Variants in NEO1 observed in about 807,000 individuals in gnomAD.
NEO1 encodes neogenin 1.
Under a neutral mutation model 159.7 loss-of-function variants are expected in NEO1, and 63 were observed. That is an observed-to-expected ratio of 0.39 (90% CI 0.32 to 0.49). The LOEUF (loss-of-function observed/expected upper bound fraction) is 0.49, where lower values mean the gene tolerates loss of function less well. Ranked by LOEUF, NEO1 falls within the 20% of genes least tolerant of loss-of-function variation. NEO1 has a pLI of 0.85. For synonymous variants in NEO1, 633 were observed against 662.0 expected (o/e 0.96, Z 0.67); for missense variants, 1,615 against 1,831.0 (o/e 0.88, Z 2.15).
intron 7 of NEO1, among the ~76,000 whole-genome samples, chr15:73,186,161 T>A (rs1596294169): frequency 6.6e-6 from 1 of 150,742 alleles, no homozygotes; most frequent in East Asian, 1.9e-4. Context: ...TGCAGCAGAC[T>A]TTTTGCCAGA....
At chr15:73,264,392 A>G (rs2040786717) in intron 15 of NEO1, among the ~76,000 whole-genome samples, 1 of 152,238 alleles carries the variant, frequency 6.6e-6, no homozygotes, top group South Asian at 2.1e-4. Context: ...ACGCTATAGC[A>G]AGACACAGTA....
intron 1 of NEO1, among the ~76,000 whole-genome samples, chr15:73,114,860 A>G (rs1456805575): frequency 1.3e-5 from 2 of 152,148 alleles, no homozygotes; most frequent in African/African-American, 2.4e-5. Context: ...TAGTTTAGCT[A>G]TCTTTTTATA....
intron 3 of NEO1, among the ~76,000 whole-genome samples, chr15:73,126,179 C>T (rs1399340695): frequency 6.6e-6 from 1 of 152,088 alleles, no homozygotes; most frequent in Non-Finnish European, 1.5e-5. Context: ...CATATAAAGC[C>T]ACACAGACTG....
chr15:73,052,146 C>A (rs1453350820), upstream of NEO1, among the ~76,000 whole-genome samples: 1 of 149,714 alleles, frequency 6.7e-6, no homozygotes, highest in Admixed American at 6.6e-5. Flanking sequence ...GCCCCGCACC[C>A]GTCAGCGGCT....
chr15:73,268,017 G>A (rs1032416694), intron 16 of NEO1, among the ~76,000 whole-genome samples: 4 of 152,094 alleles, frequency 2.6e-5, no homozygotes, highest in Non-Finnish European at 5.9e-5. Context: ...ACATCCTTGA[G>A]TTCCTTTTGC....
rs369340050 is a variant in NEO1, at chr15:73,193,095, G to T, written c.1291+14668G>T. ...CAGTCTGCAAATGTTAGTTAATATA[G>T]CATTTTTTTCCTAGAAGATGAATCA... On this transcript the variant is annotated intron_variant, in intron 7 of 28. Coordinates refer to ENST00000261908, the MANE Select transcript of NEO1 (RefSeq NM_002499.4). 7.2e-5 allele frequency among the ~76,000 whole-genome samples: 11 copies of T among 152,076 alleles called. No homozygotes were observed. The East Asian group carries it at 1.7e-3, about 24-fold the overall frequency.
At chr15:73,133,768 T>C (rs1596098088) in intron 4 of NEO1, among the ~76,000 whole-genome samples, 1 of 152,188 alleles carries the variant, frequency 6.6e-6, no homozygotes, top group Admixed American at 6.5e-5. Context: ...GTCTTTTTAC[T>C]GTGAGCCATG....
intron 26 of NEO1, among the ~76,000 whole-genome samples, chr15:73,296,698 G>A (rs1435473703): frequency 6.6e-6 from 1 of 152,094 alleles, no homozygotes; most frequent in Non-Finnish European, 1.5e-5. Flanking sequence ...GCCTGAAGTC[G>A]CATATAGTAC....
intron 22 of NEO1, among the ~76,000 whole-genome samples, chr15:73,281,987 A>G (rs188880804): frequency 6.6e-6 from 1 of 152,262 alleles, no homozygotes; most frequent in Non-Finnish European, 1.5e-5. Context: ...TAAATGGTCC[A>G]GCCTCTGCAG....
rs546451008 is a variant in NEO1 at position 73,192,853 on chromosome 15, T to A, written c.1291+14426T>A. Among the ~76,000 whole-genome samples, 8 of 152,086 alleles carry A rather than the reference T, an allele frequency of 5.3e-5. No individual in the cohort carries two copies. The East Asian group carries it at 1.5e-3, about 29-fold the overall frequency. On this transcript the variant is annotated intron_variant, in intron 7 of 28. Coordinates refer to ENST00000261908, the MANE Select transcript of NEO1 (RefSeq NM_002499.4). ...TGATGGTTATAGCTGAGGAATGGGA[T>A]TGGAAAAACCTGAAGATGAGGAGGA...
At chr15:73,284,485 A>T (rs1402165082) in intron 23 of NEO1, among the ~76,000 whole-genome samples, 1 of 152,110 alleles carries the variant, frequency 6.6e-6, no homozygotes, top group Non-Finnish European at 1.5e-5. Context: ...TGCCCAAATG[A>T]AATAGCTTTC....
At chr15:73,150,110 A>G (rs913194214) in intron 5 of NEO1, among the ~76,000 whole-genome samples, 1 of 152,186 alleles carries the variant, frequency 6.6e-6, no homozygotes, top group African/African-American at 2.4e-5. Flanking sequence ...TTGTAGTTTC[A>G]AAGCAGAATT....
rs766491352 is a variant in NEO1 at position 73,266,452 on chromosome 15, A to G, written c.2494+41A>G. The G allele has an allele frequency of 2.7e-6, 4 of 1,504,572 alleles. No individual in the cohort carries two copies. In the Admixed American group the frequency reaches 7.2e-5, roughly 27 times the overall value. The allele number at this position is 1,504,572 out of a possible 1,614,324, so 93.2% of individuals were successfully genotyped here. A position where few individuals can be genotyped will look rare whatever the true frequency, so the allele number is the denominator to read the frequency against. On this transcript the variant is annotated intron_variant, in intron 16 of 28. Coordinates refer to ENST00000261908, the MANE Select transcript of NEO1 (RefSeq NM_002499.4). ...TTTCCTAGTCTCCAGCACTTTTCCT[A>G]GCAGCTTAGGCAGAATATTGGCATG...
chr15:73,180,155 T>G lies in NEO1; in HGVS notation c.1291+1728T>G, dbSNP rs146632384. On this transcript the variant is annotated intron_variant, in intron 7 of 28. Coordinates refer to ENST00000261908, the MANE Select transcript of NEO1 (RefSeq NM_002499.4). The stretch of plus-strand genomic sequence containing the variant: ...CCACTTTAGACATCTGATCTTTTAT[T>G]CAAGTCAAATACAATCAGGTATTGG... Among the ~76,000 whole-genome samples, 918 of 152,274 alleles carry G rather than the reference T, an allele frequency of 6.0e-3. 12 individuals are homozygous for G. The highest frequency in any genetic ancestry group is 0.021 in the African/African-American group (873 of 41,566).
In NEO1 at chr15:73,138,539, G is replaced by A. The variant is rs371705400; in HGVS notation, c.1015+2512G>A. On this transcript the variant is annotated intron_variant, in intron 5 of 28. Transcript: ENST00000261908. ...TGGGAGGCCGAGGCGGGCGGATCAC[G>A]AGGTCAGGAGATCGAGATCATCCCG... Among the ~76,000 whole-genome samples the A allele has an allele frequency of 3.6e-4, 55 of 152,096 alleles. 1 individual carries two copies. In the South Asian group the frequency reaches 0.011, roughly 31 times the overall value.
intron 5 of NEO1, among the ~76,000 whole-genome samples, chr15:73,170,760 A>G (rs1204285169): frequency 6.6e-6 from 1 of 152,186 alleles, no homozygotes; most frequent in Non-Finnish European, 1.5e-5. Context: ...TTTTCGAAGT[A>G]CGGTACTTTA....
At chr15:73,258,445 T>A (rs1462022886) in intron 13 of NEO1, among the ~76,000 whole-genome samples, 1 of 152,184 alleles carries the variant, frequency 6.6e-6, no homozygotes, top group Non-Finnish European at 1.5e-5. Context: ...TTAGCTTTCT[T>A]TGTAACACAA....
At chr15:73,135,189 C>T (rs573667559) in intron 4 of NEO1, among the ~76,000 whole-genome samples, 165 of 152,234 alleles carry the variant, frequency 1.1e-3, no homozygotes, top group South Asian at 4.4e-3. Context: ...ATTGATTGTT[C>T]TTCAATGTTA....
At chr15:73,188,101 G>C (rs1164478271) in intron 7 of NEO1, among the ~76,000 whole-genome samples, 1 of 151,974 alleles carries the variant, frequency 6.6e-6, no homozygotes, top group Non-Finnish European at 1.5e-5. Context: ...GGAATTGTTT[G>C]TAGACTCTTA....
Sources: allele counts gnomAD v4.1 joint callset (sites outside exome capture counted in the v4.1 genomes callset), GRCh38; gene constraint gnomAD v4.1.1; transcripts MANE v1.5; gene names NCBI Gene and HGNC (gene_info 2026-07-23, HGNC 2026-07-21).